The following LAMA2 variants were observed in gnomAD, a reference collection of about 807,000 sequenced individuals.
The protein encoded by LAMA2 is laminin subunit alpha 2.
LAMA2 carries 269 observed loss-of-function variants against 364.8 expected under a neutral mutation model. That is an observed-to-expected ratio of 0.74 (90% CI 0.67 to 0.82). The LOEUF is 0.82. Among genes scored for constraint, LAMA2 ranks in the 40% least tolerant of loss-of-function variants. LAMA2 has a pLI of 0.00. For synonymous variants in LAMA2, 1,379 were observed against 1,370.6 expected, an observed-to-expected ratio of 1.01 and a Z score of -0.14; for missense variants, 3,807 against 3,873.2, an observed-to-expected ratio of 0.98 and a Z score of 0.45.
chr6:129,075,062 G>C (rs1773542936), intron 3 of LAMA2, among the ~76,000 whole-genome samples: 1 of 151,952 alleles, frequency 6.6e-6, no homozygotes, highest in Non-Finnish European at 1.5e-5. Context: ...ATTTAGAATA[G>C]TGCAAGTTCA....
intron 19 of LAMA2, among the ~76,000 whole-genome samples, chr6:129,288,462 C>T (rs1789442082): frequency 6.6e-6 from 1 of 152,114 alleles, no homozygotes; most frequent in Admixed American, 6.6e-5. Flanking sequence ...TAGTAGCCAT[C>T]AGAAGGTGTT....
intron 3 of LAMA2, among the ~76,000 whole-genome samples, chr6:129,064,665 A>G (rs1012487001): frequency 6.6e-6 from 1 of 152,170 alleles, no homozygotes; most frequent in Non-Finnish European, 1.5e-5. Context: ...AACAAACTGG[A>G]TAACCTAGAA....
At chr6:128,997,128 TG>T (rs1217206611) in intron 1 of LAMA2, among the ~76,000 whole-genome samples, 1 of 135,700 alleles carries the variant, frequency 7.4e-6, no homozygotes, top group Non-Finnish European at 1.6e-5. Context: ...TGGGGCCTGT[TG>T]GGGGAGGGGT....
intron 3 of LAMA2, among the ~76,000 whole-genome samples, chr6:129,071,731 T>C (rs1229472026): frequency 6.6e-6 from 1 of 152,212 alleles, no homozygotes; most frequent in Non-Finnish European, 1.5e-5. Context: ...TTGTTTTTGT[T>C]GTTATTCCTT....
chr6:129,365,361 CTTTT>C (rs1353782310), intron 32 of LAMA2, among the ~76,000 whole-genome samples: 1 of 152,006 alleles, frequency 6.6e-6, no homozygotes, highest in African/African-American at 2.4e-5. Context: ...TTTATTTTGA[CTTTT>C]TATTTTATTT....
intron 19 of LAMA2, among the ~76,000 whole-genome samples, chr6:129,289,697 A>G (rs2114426456): frequency 6.6e-6 from 1 of 152,188 alleles, no homozygotes; most frequent in African/African-American, 2.4e-5. Flanking sequence ...GAAAATTATT[A>G]TGGGATTATT....
intron 28 of LAMA2, among the ~76,000 whole-genome samples, chr6:129,321,067 C>T (rs1774936158): frequency 6.6e-6 from 1 of 152,130 alleles, no homozygotes; most frequent in African/African-American, 2.4e-5. Flanking sequence ...AGGCTGTTCC[C>T]TTTAACATAA....
At chr6:129,241,250 G>C (rs1218850095) in intron 12 of LAMA2, among the ~76,000 whole-genome samples, 1 of 152,188 alleles carries the variant, frequency 6.6e-6, no homozygotes, top group Non-Finnish European at 1.5e-5. Context: ...TCTATAAGAT[G>C]CTTATGCAAA....
intron 12 of LAMA2, among the ~76,000 whole-genome samples, chr6:129,248,335 G>T (rs554596114): frequency 8.5e-5 from 13 of 152,082 alleles, no homozygotes; most frequent in Admixed American, 2.6e-4. Flanking sequence ...TTATAAATAG[G>T]TATGAAAAAC....
At chr6:129,412,132 A>T (rs1033109996) in intron 40 of LAMA2, among the ~76,000 whole-genome samples, 5 of 152,228 alleles carry the variant, frequency 3.3e-5, no homozygotes, top group Admixed American at 6.5e-5. Context: ...GGAAGTGTAT[A>T]TATACACAGA....
intron 9 of LAMA2, among the ~76,000 whole-genome samples, chr6:129,171,366 A>C (rs1309625483): frequency 2.3e-3 from 346 of 152,022 alleles, no homozygotes; most frequent in Admixed American, 5.4e-3. Flanking sequence ...TTAGGGCAGG[A>C]CTGGTGGTGA....
At chr6:129,113,659 A>C (rs1776295818) in intron 4 of LAMA2, among the ~76,000 whole-genome samples, 1 of 152,096 alleles carries the variant, frequency 6.6e-6, no homozygotes, top group Admixed American at 6.6e-5. Context: ...TAACATAGAC[A>C]GAAGACTACA....
rs565383184 is a variant in LAMA2, at chr6:129,380,785, CTTCT to C, written c.4960-2331_4960-2328del. Among the ~76,000 whole-genome samples the C allele has an allele frequency of 5.8e-3, 885 of 152,286 alleles. 6 individuals carry two copies. Among genetic ancestry groups the C allele is most frequent in the Non-Finnish European group, 9.0e-3 (612 of 68,004 alleles). On this transcript the variant is annotated intron_variant, in intron 34 of 64. Coordinates refer to ENST00000421865, the MANE Select transcript of LAMA2 (RefSeq NM_000426.4). ...AGGGTCTTAGTGCTAATTGTTTTAA[CTTCT>C]TTCTTATCATGGAGTTTGTAGGATT...
At chr6:128,962,459 G>A (rs1235321428) in intron 1 of LAMA2, among the ~76,000 whole-genome samples, 2 of 152,038 alleles carry the variant, frequency 1.3e-5, no homozygotes, top group African/African-American at 4.8e-5. Context: ...TTAGAGGGTA[G>A]CTTAAGAGGT....
chr6:129,352,363 G>A (rs1776899224), intron 31 of LAMA2, among the ~76,000 whole-genome samples: 1 of 152,008 alleles, frequency 6.6e-6, no homozygotes, highest in South Asian at 2.1e-4. Context: ...TCATCCAGTT[G>A]GATTCTCTTT....
At chr6:129,357,205 A>G (rs962181768) in intron 32 of LAMA2, among the ~76,000 whole-genome samples, 3 of 152,076 alleles carry the variant, frequency 2.0e-5, no homozygotes, top group Non-Finnish European at 4.4e-5. Context: ...AAAGTTTAGT[A>G]TTTTGAAACA....
intron 13 of LAMA2, among the ~76,000 whole-genome samples, chr6:129,251,110 A>G (rs1786206987): frequency 8.9e-6 from 1 of 111,870 alleles, no homozygotes; most frequent in Admixed American, 1.2e-4. Flanking sequence ...ATATATGGCA[A>G]CTAGATGTAT....
Position 129,233,223 on chromosome 6 carries a change from A to G in LAMA2, c.1783-16889A>G, listed in dbSNP as rs116585961. ...ATATTCACCTACAGAACCATGAGATAATATATTTGTGTTGCTTTCAATTGC... is the reference window on the plus strand; with the variant it reads ...ATATTCACCTACAGAACCATGAGATGATATATTTGTGTTGCTTTCAATTGC... On this transcript the variant is annotated intron_variant, in intron 12 of 64. Coordinates refer to ENST00000421865, the MANE Select transcript of LAMA2 (RefSeq NM_000426.4). 2.5e-3 allele frequency among the ~76,000 whole-genome samples: 380 copies of G among 152,266 alleles called. 2 individuals are homozygous for G. Among genetic ancestry groups the G allele is most frequent in the African/African-American group, 8.6e-3 (357 of 41,554 alleles).
chr6:129,511,618 CCT>C (rs1786583940), intron 62 of LAMA2, among the ~76,000 whole-genome samples: 1 of 151,988 alleles, frequency 6.6e-6, no homozygotes, highest in Non-Finnish European at 1.5e-5. Context: ...AGAAAATTCC[CCT>C]GAGTATTTCT....
Sources: gnomAD v4.1 joint callset for allele counts (sites outside exome capture counted in the v4.1 genomes callset) on GRCh38, gnomAD v4.1.1 for gene constraint, MANE v1.5 for transcripts, NCBI Gene and HGNC (gene_info 2026-07-23, HGNC 2026-07-21) for gene names.